KMT2B: variants seen among roughly 807,000 people sequenced by gnomAD.
KMT2B encodes lysine methyltransferase 2B.
Under a neutral mutation model 255.3 loss-of-function variants are expected in KMT2B, and 22 were observed. That is an observed-to-expected ratio of 0.09 (90% confidence interval 0.06 to 0.12). The LOEUF is 0.12. Ranked by LOEUF, KMT2B falls within the 10% of genes least tolerant of loss-of-function variation. The pLI is 1.00. For missense variants in KMT2B, 3,149 were observed against 3,737.0 expected, an observed-to-expected ratio of 0.84 and a Z score of 4.10; for synonymous variants, 1,730 against 1,498.1, an observed-to-expected ratio of 1.15 and a Z score of -3.57.
Position 35,732,644 on chromosome 19 carries a change from C to G in KMT2B, c.6095C>G (p.Ser2032Cys). 6.2e-7 allele frequency: 1 copy of G among 1,610,554 alleles called. No homozygotes were observed. The highest frequency in any genetic ancestry group is 2.2e-5 in the East Asian group (1 of 44,764). The change falls in exon 28 of 37, where the codon TCC becomes TGC. Residue 2032 changes from serine (S) to cysteine (C), a missense_variant. Around this residue, in one of 18 missense-constraint regions of KMT2B, gnomAD observed 897 missense variants for 825.3 expected, o/e 1.09. Coordinates refer to ENST00000420124, the MANE Select transcript of KMT2B (RefSeq NM_014727.3). ...TCCGAGGAGGAGTCCAGCCCCACCT[C>G]CCGCTACATCCACTTCCCTGTGACT... ...DSSEEESSPT[S>C]RYIHFPVTVV...
At position 35,719,552 on chromosome 19, in the gene KMT2B, G is replaced by A. The variant is rs1167504444; in HGVS notation, c.436+11G>A. The A allele has an allele frequency of 6.3e-7, 1 of 1,582,300 alleles. No homozygotes were observed. The highest frequency in any genetic ancestry group is 1.1e-5 in the South Asian group (1 of 87,308). ...TCCGATCCCAGCGAGGTGAGTGACG[G>A]GGGAACTCCACCTCTTTAGCGTCAC... is the stretch of plus-strand genomic sequence containing the variant. On this transcript the variant is annotated intron_variant, in intron 2 of 36. Transcript: ENST00000420124.
Position 35,728,124 on chromosome 19 carries a change from C to G in KMT2B, c.4524C>G (p.Phe1508Leu), listed in dbSNP as rs61740785. Reference sequence around the variant, plus strand: ...TGCTAGAATCTGCGTTCGGCTGGTTCGACGCCCACGACCCCAAGTACTGGC... The same window carrying G: ...TGCTAGAATCTGCGTTCGGCTGGTTGGACGCCCACGACCCCAAGTACTGGC... ...LKLLESAFGW[F>L]DAHDPKYWRR... Residue 1508 changes from phenylalanine to leucine, a missense_variant, in exon 19 of 37, where the codon TTC becomes TTG. By Grantham distance (22) the Phe-to-Leu change is conservative. Transcript: ENST00000420124. The G allele has an allele frequency of 6.3e-7, 1 of 1,599,302 alleles. No homozygotes were observed. The highest frequency in any genetic ancestry group is 8.5e-7 in the Non-Finnish European group (1 of 1,173,500).
chr19:35,734,691 G>T (rs908438674), intron 30 of KMT2B, among the ~76,000 whole-genome samples: 2 of 152,342 alleles, frequency 1.3e-5, no homozygotes, highest in South Asian at 4.1e-4. Context: ...TTGGCTGATG[G>T]ACTCCTTGAA....
In KMT2B at chr19:35,722,622, G is replaced by T. The variant is rs1406283445; in HGVS notation, c.2626G>T (p.Ala876Ser). The change falls in exon 5 of 37, where the codon GCT (alanine) becomes TCT (serine). Residue 876 changes from alanine to serine, a missense_variant. Physicochemically the swap from Ala to Ser is moderately conservative, Grantham distance 99 (BLOSUM62 1). This residue lies in a region of KMT2B where 132 missense variants were observed against 174.7 expected (regional missense o/e 0.76). Coordinates refer to ENST00000420124, the MANE Select transcript of KMT2B (RefSeq NM_014727.3). ...PRIKHVCRHA[A>S]VALGQARAMV... ...CATCAAACATGTCTGCCGTCATGCT[G>T]CTGTGGCCCTGGGTCAGGCCCGGGC... is the stretch of plus-strand genomic sequence containing the variant. The T allele has an allele frequency of 1.2e-6, 2 of 1,612,520 alleles. No homozygotes were observed.
Position 35,732,348 on chromosome 19 carries a change from A to T in KMT2B, c.5799A>T (p.Leu1933=), listed in dbSNP as rs759619395. 1.2e-6 allele frequency: 2 copies of T among 1,611,762 alleles called. No homozygotes were observed. Among genetic ancestry groups the T allele is most frequent in the South Asian group, 1.1e-5 (1 of 90,622 alleles). Residue 1933 remains leucine (L), a synonymous_variant, in exon 28 of 37, where the codon CTA becomes CTT. Transcript: ENST00000420124. ...CATCACGGTGGGCCTCCCCTCCTCT[A>T]AAAACCTCCCCTCAGCTCAGGGTGC... ...PPPSRWASPP[L]KTSPQLRVPP...
At chr19:35,726,188 C>T (rs547293797) in intron 13 of KMT2B, 48 bp from the exon 14 acceptor site, 3 of 1,430,206 alleles carry the variant, frequency 2.1e-6, no homozygotes, top group African/African-American at 2.8e-5. Flanking sequence ...GCTCATGTTG[C>T]TCCAGTCCAG....
Position 35,720,154 on chromosome 19 carries a change from G to C in KMT2B, c.807G>C (p.Lys269Asn), listed in dbSNP as rs749782139. 6.2e-7 allele frequency: 1 copy of C among 1,600,254 alleles called. No homozygotes were observed. The highest frequency in any genetic ancestry group is 8.5e-7 in the Non-Finnish European group (1 of 1,173,928). The change falls in exon 3 of 37, where the codon AAG becomes AAC. Residue 269 changes from lysine (K) to asparagine (N), a missense_variant. Lys to Asn is a moderately conservative substitution (Grantham distance 94). Around this residue, in one of 18 missense-constraint regions of KMT2B, gnomAD observed 1,188 missense variants for 1,106.4 expected, o/e 1.07. Coordinates refer to ENST00000420124, the MANE Select transcript of KMT2B (RefSeq NM_014727.3). ...ATCAGACTGGCAGCTGGAAATGCAAGGAGGGGCCCGGTCCAGGACCTGGGA... is the reference window on the plus strand; with the variant it reads ...ATCAGACTGGCAGCTGGAAATGCAACGAGGGGCCCGGTCCAGGACCTGGGA... The part of the protein sequence containing the change: ...VKHQTGSWKC[K>N]EGPGPGPGTP...
chr19:35,728,223 G>A, intron 19 of KMT2B, 52 bp downstream of exon 19: 1 of 1,450,242 alleles, frequency 6.9e-7, no homozygotes, highest in Non-Finnish European at 9.5e-7. Context: ...GGCAAGGCCA[G>A]GGCATGCAGG....
chr19:35,727,378 C>T lies in KMT2B; in HGVS notation c.4118-60C>T. 6.3e-7 allele frequency: 1 copy of T among 1,597,018 alleles called. No individual in the cohort carries two copies. Among genetic ancestry groups the T allele is most frequent in the East Asian group, 2.2e-5 (1 of 44,798 alleles). ...CTAAGGGTCCTTGCTGGCCTAGGGG[C>T]TGCTGGGAGCCCTCACATCCTCTGA... On this transcript the variant is annotated intron_variant, in intron 15 of 36. Transcript: ENST00000420124. This position sits in a 1 kb window ranked among gnomAD's most constrained non-coding sequence, Gnocchi z 4.2.
In KMT2B at chr19:35,725,385, G is replaced by C. The variant is rs150489661; in HGVS notation, c.3642+52G>C. The C allele has an allele frequency of 6.4e-7, 1 of 1,571,340 alleles. No homozygotes were observed. The highest frequency in any genetic ancestry group is 1.8e-5 in the Admixed American group (1 of 57,020). On this transcript the variant is annotated intron_variant, in intron 11 of 36. Transcript: ENST00000420124. The surrounding 1 kb of genome is among the most constrained non-coding windows in gnomAD (Gnocchi z 4.1). Reference sequence around the variant, plus strand: ...CCCCCAGCTCTCTGTCGGTCCTCACGGCCTGATTCCTTGGGCCCTCTCAGC... The same window carrying C: ...CCCCCAGCTCTCTGTCGGTCCTCACCGCCTGATTCCTTGGGCCCTCTCAGC...
In KMT2B at chr19:35,724,645, C is replaced by G; in HGVS notation, c.3343C>G (p.Leu1115Val). 1.3e-6 allele frequency: 2 copies of G among 1,597,658 alleles called. No individual in the cohort carries two copies. The highest frequency in any genetic ancestry group is 1.7e-6 in the Non-Finnish European group (2 of 1,172,514). Residue 1115 changes from leucine (L) to valine (V), a missense_variant, in exon 9 of 37, where the codon CTG becomes GTG. By Grantham distance (32) the Leu-to-Val change is conservative. Coordinates refer to ENST00000420124, the MANE Select transcript of KMT2B (RefSeq NM_014727.3). ...RRTPRENELP[L>V]PEPEEQSRPR... is the part of the protein sequence containing the mutation. ...CATTGTGTCCTGCCTAGAGCTGCCA[C>G]TGCCAGAACCTGAGGAGCAGAGCCG...
At chr19:35,726,797 A>G (rs1285998289) in intron 14 of KMT2B, among the ~76,000 whole-genome samples, 1 of 152,128 alleles carries the variant, frequency 6.6e-6, no homozygotes, top group East Asian at 1.9e-4. Context: ...CAGCCTGGCC[A>G]ACATGGTGAA....
At position 35,738,006 on chromosome 19, in the gene KMT2B, A is replaced by G; in HGVS notation, c.7743-56A>G. The stretch of plus-strand genomic sequence containing the variant: ...CGGACAGGTGCACTGGGTAGGGGGT[A>G]CTGTCTGGTTTCTGTCCCCCTCCCC... On this transcript the variant is annotated intron_variant, in intron 35 of 36. Coordinates refer to ENST00000420124, the MANE Select transcript of KMT2B (RefSeq NM_014727.3). The surrounding 1 kb of genome is among the most constrained non-coding windows in gnomAD (Gnocchi z 8.7). 1.2e-6 allele frequency: 2 copies of G among 1,612,358 alleles called. No individual in the cohort carries two copies. The highest frequency in any genetic ancestry group is 1.7e-6 in the Non-Finnish European group (2 of 1,179,044).
chr19:35,722,402 A>G lies in KMT2B; in HGVS notation c.2501A>G (p.Lys834Arg), dbSNP rs748895649. The change falls in exon 4 of 37, where the codon AAG becomes AGG. Residue 834 changes from lysine to arginine, a missense_variant. Lys to Arg is a conservative substitution (Grantham distance 26). This residue lies in a region of KMT2B where 1,188 missense variants were observed against 1,106.4 expected (regional missense o/e 1.07). Transcript: ENST00000420124. ...ATGGAGGAGGTGGCCGGGGCTGTCA[A>G]GCAGATCTCCGACAGAGGCCCTGTC... ...GQMEEVAGAV[K>R]QISDRGPVRS... 7 of 1,611,158 alleles carry G rather than the reference A, an allele frequency of 4.3e-6. No homozygotes were observed. Among genetic ancestry groups the G allele is most frequent in the South Asian group, 1.1e-5 (1 of 91,042 alleles).
chr19:35,718,417 G>C lies in KMT2B; in HGVS notation c.363+36G>C. 1 of 1,238,878 alleles carries C rather than the reference G, an allele frequency of 8.1e-7. No homozygotes were observed. The allele number at this position is 1,238,878 out of a possible 1,614,324, so 76.7% of individuals were successfully genotyped here. ...TGGAGGCGTCCCCGGCGCCGGGTGG[G>C]GCGGAGGCCGGGGCTTCCAGGGGTC... On this transcript the variant is annotated intron_variant, in intron 1 of 36. Coordinates refer to ENST00000420124, the MANE Select transcript of KMT2B (RefSeq NM_014727.3). This position sits in a 1 kb window ranked among gnomAD's most constrained non-coding sequence, Gnocchi z 5.0.
At chr19:35,731,787 G>A in intron 26 of KMT2B, 121 bp from the exon 27 acceptor site, 1 of 763,052 alleles carries the variant, frequency 1.3e-6, no homozygotes, top group African/African-American at 1.7e-5. Flanking sequence ...TGGAAACTGG[G>A]GCCTGTTGTG....
At chr19:35,728,646 G>A (rs1969562616) in intron 19 of KMT2B, 128 bp from the exon 20 acceptor site, 1 of 706,774 alleles carries the variant, frequency 1.4e-6, no homozygotes, top group East Asian at 2.7e-5. Flanking sequence ...CTTATTTGGT[G>A]GACTGAGAGA....
At chr19:35,729,338 T>C (rs906181429) in intron 22 of KMT2B, 42 bp downstream of exon 22, 1 of 1,558,470 alleles carries the variant, frequency 6.4e-7, no homozygotes, top group African/African-American at 1.4e-5. Context: ...TCTCTGGCTC[T>C]TGGGGAGGCC....
At position 35,738,726 on chromosome 19, in the gene KMT2B, CCATCCAGCA is replaced by C. The variant is rs1970019740; in HGVS notation, c.*170_*178del. The C allele has an allele frequency of 1.8e-5, 13 of 708,960 alleles. No homozygotes were observed. Among genetic ancestry groups the C allele is most frequent in the South Asian group, 9.7e-5 (5 of 51,794 alleles). The allele number at this position is 708,960 out of a possible 1,614,324, so 43.9% of individuals were successfully genotyped here. A position where few individuals can be genotyped will look rare whatever the true frequency, so the allele number is the denominator to read the frequency against. On this transcript the variant is annotated 3_prime_UTR_variant, in exon 37 of 37. Transcript: ENST00000420124. This position sits in a 1 kb window ranked among gnomAD's most constrained non-coding sequence, Gnocchi z 8.7. ...AGGGCCCTGCCTCCACCCCTCCAGC[CCATCCAGCA>C]ATCGCCCCCTTTCTGCCCTGGGGGC...
Sources: gnomAD v4.1 joint callset for allele counts (sites outside exome capture counted in the v4.1 genomes callset) on GRCh38, gnomAD v4.1.1 for gene constraint, gnomAD v4.1.1 regional missense constraint, Gnocchi (gnomAD v3.1) non-coding constraint, MANE v1.5 for transcripts, NCBI Gene and HGNC (gene_info 2026-07-23, HGNC 2026-07-21) for gene names.